The following ACSS2 variants were observed in gnomAD, a reference collection of about 807,000 sequenced individuals.
ACSS2 encodes acyl-CoA synthetase short chain family member 2.
A neutral mutation model predicts 90.6 loss-of-function variants in ACSS2; 58 were observed. That is an observed-to-expected ratio of 0.64 (90% confidence interval 0.52 to 0.80). The LOEUF (loss-of-function observed/expected upper bound fraction) is 0.80, where lower values mean the gene tolerates loss of function less well. Ranked by LOEUF, ACSS2 falls within the 30% of genes least tolerant of loss-of-function variation. The pLI, the probability that ACSS2 is intolerant of heterozygous loss-of-function variation, is 0.00. For missense variants in ACSS2, 759 were observed against 912.0 expected (o/e 0.83, Z 2.16); for synonymous variants, 300 against 330.9 (o/e 0.91, Z 1.01).
At position 34,926,950 on chromosome 20, in the gene ACSS2, A is replaced by G. The variant is rs59742934; in HGVS notation, c.1977A>G (p.Ser659=). The change falls in exon 17 of 18, where the codon TCA becomes TCG. Residue 659 remains serine, a splice_region_variant and synonymous_variant. Coordinates refer to ENST00000360596, the MANE Select transcript of ACSS2 (RefSeq NM_018677.4). ...CACCTGGCTTGCCTAAAACCCGCTC[A>G]GGTATGTTCAGAGGCCTCCATGGAT... The part of the protein sequence containing the change: ...QNAPGLPKTR[S]GKIMRRVLRK... The G allele has an allele frequency of 1.2e-6, 2 of 1,614,150 alleles. No homozygotes were observed. Among genetic ancestry groups the G allele is most frequent in the Non-Finnish European group, 1.7e-6 (2 of 1,180,034 alleles).
Position 34,921,461 on chromosome 20 carries a change from C to T in ACSS2, c.1409C>T (p.Thr470Ile). The change falls in exon 11 of 18, where the codon ACA (threonine) becomes ATA (isoleucine). Residue 470 changes from threonine (T) to isoleucine (I), a missense_variant and splice_region_variant. Transcript: ENST00000360596. ...GTGGACACCTTCTGGCAAACAGAGA[C>T]AGTGAGTGAAGGGTACAGAAGGCTG... ...PIVDTFWQTE[T>I]GGHMLTPLPG... 2 of 1,614,202 alleles carry T rather than the reference C, an allele frequency of 1.2e-6. No individual in the cohort carries two copies. The highest frequency in any genetic ancestry group is 1.7e-6 in the Non-Finnish European group (2 of 1,180,032).
chr20:34,920,971 G>C (rs904761325), intron 9 of ACSS2, 35 bp from the exon 10 acceptor site: 1 of 1,613,432 alleles, frequency 6.2e-7, no homozygotes, highest in Non-Finnish European at 8.5e-7. Flanking sequence ...AGGACTATTA[G>C]GAAAGACTGG....
intron 16 of ACSS2, among the ~76,000 whole-genome samples, chr20:34,926,497 C>G (rs981396859): frequency 6.6e-6 from 1 of 152,172 alleles, no homozygotes; most frequent in East Asian, 1.9e-4. Context: ...TTTGTGCCAC[C>G]GCTAGGCTAA....
At chr20:34,896,490 C>T (rs1239841512) in intron 2 of ACSS2, among the ~76,000 whole-genome samples, 2 of 152,240 alleles carry the variant, frequency 1.3e-5, no homozygotes, top group Non-Finnish European at 2.9e-5. Flanking sequence ...TCCATACTTT[C>T]TCTCTTTGAT....
Position 34,876,840 on chromosome 20 carries a change from G to A in ACSS2, c.178+17G>A. ...AGCCGCGGGGTGAGGCCCGGCCCGG[G>A]CGGGCCTGGGGTGTCAGTGAGGAGA... is the stretch of plus-strand genomic sequence containing the variant. On this transcript the variant is annotated intron_variant, in intron 1 of 17. Transcript: ENST00000360596. The A allele has an allele frequency of 2.3e-6, 3 of 1,284,574 alleles. No homozygotes were observed. The highest frequency in any genetic ancestry group is 3.0e-6 in the Non-Finnish European group (3 of 1,014,342). The allele number at this position is 1,284,574 out of a possible 1,614,324, so 79.6% of individuals were successfully genotyped here.
At chr20:34,877,944 T>TAGATAGATAGATAGA (rs2079968858) in intron 1 of ACSS2, among the ~76,000 whole-genome samples, 1 of 60,778 alleles carries the variant, frequency 1.6e-5, no homozygotes. Context: ...AGATAGATAG[T>TAGATAGATAGATAGA]TTGTTTTGAG....
intron 2 of ACSS2, among the ~76,000 whole-genome samples, chr20:34,899,317 G>A (rs901668145): frequency 3.3e-4 from 51 of 152,360 alleles, no homozygotes; most frequent in Non-Finnish European, 4.9e-4. Flanking sequence ...CAGAGGAGGC[G>A]CCGAGAGCGA....
At chr20:34,909,272 G>T (rs1367691153) in intron 2 of ACSS2, among the ~76,000 whole-genome samples, 1 of 152,014 alleles carries the variant, frequency 6.6e-6, no homozygotes, top group Non-Finnish European at 1.5e-5. Context: ...AGAGGCAGAG[G>T]TGGGAGGATC....
chr20:34,876,651 G>C lies in ACSS2; in HGVS notation c.6G>C (p.Gly2=). 2 of 1,378,336 alleles carry C rather than the reference G, an allele frequency of 1.5e-6. No homozygotes were observed. Among genetic ancestry groups the C allele is most frequent in the Admixed American group, 7.0e-5 (2 of 28,600 alleles). The allele number at this position is 1,378,336 out of a possible 1,614,324, so 85.4% of individuals were successfully genotyped here. Residue 2 remains glycine (G), a synonymous_variant, in exon 1 of 18, where the codon GGG becomes GGC. Transcript: ENST00000360596. M[G]LPEERVRSGS... is the part of the protein sequence containing the mutation. ...GGTTCTAGGAACTTGACGTGATGGGGCTTCCTGAGGAGCGGGTCCGGAGCG... is the reference window on the plus strand; with the variant it reads ...GGTTCTAGGAACTTGACGTGATGGGCCTTCCTGAGGAGCGGGTCCGGAGCG...
intron 2 of ACSS2, among the ~76,000 whole-genome samples, chr20:34,894,998 C>A (rs2080428722): frequency 1.3e-5 from 2 of 152,076 alleles, no homozygotes. Context: ...GAGGATAAGA[C>A]CTCTGACTTG....
chr20:34,887,307 G>A (rs908674707), intron 2 of ACSS2, among the ~76,000 whole-genome samples: 4 of 152,130 alleles, frequency 2.6e-5, no homozygotes, highest in African/African-American at 7.2e-5. Flanking sequence ...TCCAGCACTT[G>A]GCTGTGACAG....
chr20:34,910,838 T>A (rs1045923562), intron 2 of ACSS2, among the ~76,000 whole-genome samples: 1 of 152,192 alleles, frequency 6.6e-6, no homozygotes, highest in Non-Finnish European at 1.5e-5. Context: ...TTATTTATTT[T>A]TTGAGACAGG....
At chr20:34,876,527 T>G, upstream of ACSS2, 1 of 1,072,166 alleles carries the variant, frequency 9.3e-7, no homozygotes, top group Non-Finnish European at 1.2e-6. Flanking sequence ...ACTAAGCCAC[T>G]CCCCCACTCA....
intron 2 of ACSS2, among the ~76,000 whole-genome samples, chr20:34,900,006 C>T (rs2080608703): frequency 6.6e-6 from 1 of 152,138 alleles, no homozygotes; most frequent in African/African-American, 2.4e-5. Context: ...TCCAAAGTAG[C>T]TGAACCATTT....
At chr20:34,903,700 T>A (rs2080726375) in intron 2 of ACSS2, among the ~76,000 whole-genome samples, 1 of 151,970 alleles carries the variant, frequency 6.6e-6, no homozygotes, top group African/African-American at 2.4e-5. Flanking sequence ...TTGCTTGTAG[T>A]TCTAGGGAAT....
At chr20:34,876,923 A>G in intron 1 of ACSS2, 100 bp downstream of exon 1, 1 of 702,428 alleles carries the variant, frequency 1.4e-6, no homozygotes, top group Non-Finnish European at 2.0e-6. Context: ...GGGGTGGGTG[A>G]GGAGATGGAG....
chr20:34,876,656 C>T lies in ACSS2; in HGVS notation c.11C>T (p.Pro4Leu). 1.4e-6 allele frequency: 2 copies of T among 1,387,796 alleles called. No individual in the cohort carries two copies. The highest frequency in any genetic ancestry group is 1.9e-6 in the Non-Finnish European group (2 of 1,064,582). The allele number at this position is 1,387,796 out of a possible 1,614,324, so 86.0% of individuals were successfully genotyped here. ...TAGGAACTTGACGTGATGGGGCTTC[C>T]TGAGGAGCGGGTCCGGAGCGGCAGC... The part of the protein sequence containing the change: MGL[P>L]EERVRSGSGS... Residue 4 changes from proline (P) to leucine (L), a missense_variant, in exon 1 of 18, where the codon CCT becomes CTT. By Grantham distance (98) the Pro-to-Leu change is moderately conservative (BLOSUM62 -3). Coordinates refer to ENST00000360596, the MANE Select transcript of ACSS2 (RefSeq NM_018677.4).
chr20:34,879,290 A>G (rs2080010127), intron 1 of ACSS2, among the ~76,000 whole-genome samples: 1 of 151,808 alleles, frequency 6.6e-6, no homozygotes, highest in South Asian at 2.1e-4. Flanking sequence ...CACTCCCCTC[A>G]TTCTAGATAG....
In ACSS2 at chr20:34,878,259, A is replaced by G. The variant is rs1403515000; in HGVS notation, c.178+1436A>G. Among the ~76,000 whole-genome samples, 4 of 152,244 alleles carry G rather than the reference A, an allele frequency of 2.6e-5. No homozygotes were observed. The East Asian group carries it at 7.7e-4, about 29-fold the overall frequency. ...GCCAAGGAGTCAAAATTGCACCCCC[A>G]TTGGGAGGCAGCATGATGTTTGGTT... On this transcript the variant is annotated intron_variant, in intron 1 of 17. Coordinates refer to ENST00000360596, the MANE Select transcript of ACSS2 (RefSeq NM_018677.4).
Sources: gnomAD v4.1 joint callset for allele counts (sites outside exome capture counted in the v4.1 genomes callset) on GRCh38, gnomAD v4.1.1 for gene constraint, MANE v1.5 for transcripts, NCBI Gene and HGNC (gene_info 2026-07-23, HGNC 2026-07-21) for gene names.